DLC1: variants seen among roughly 807,000 people sequenced by gnomAD.
DLC1 encodes the protein DLC1 Rho GTPase activating protein, also known as rho GTPase-activating protein 7.
DLC1 carries 54 observed loss-of-function variants against 140.3 expected under a neutral mutation model. The ratio of observed to expected loss-of-function variants is 0.38; its 90% CI spans 0.31 to 0.48. The LOEUF (loss-of-function observed/expected upper bound fraction) is 0.48, where lower values mean the gene tolerates loss of function less well. Ranked by LOEUF, DLC1 falls within the 20% of genes least tolerant of loss-of-function variation. The pLI is 0.96. For missense variants in DLC1, 2,536 were observed against 1,907.0 expected, an observed-to-expected ratio of 1.33 and a Z score of -6.14; for synonymous variants, 986 against 728.1, an observed-to-expected ratio of 1.35 and a Z score of -5.70.
rs560626167 is a variant in DLC1, at chr8:13,374,803, G to A, written c.1314+18750C>T. 3.9e-5 allele frequency among the ~76,000 whole-genome samples: 6 copies of A among 152,216 alleles called. No individual in the cohort carries two copies. In the East Asian group the frequency reaches 9.7e-4, roughly 25 times the overall value. On this transcript the variant is annotated intron_variant, in intron 4 of 17. Coordinates refer to ENST00000276297, the MANE Select transcript of DLC1 (RefSeq NM_182643.3). ...TCTTGGGCAGTATGGCCATTTTCACGATATTGATTCTTCCTATCCATGAGC... is the reference window on the plus strand; with the variant it reads ...TCTTGGGCAGTATGGCCATTTTCACAATATTGATTCTTCCTATCCATGAGC...
intron 4 of DLC1, among the ~76,000 whole-genome samples, chr8:13,360,643 C>A (rs953921746): frequency 4.6e-5 from 7 of 151,948 alleles, no homozygotes; most frequent in Non-Finnish European, 8.8e-5. Context: ...GAAAGACTTA[C>A]TCTGTGTTTT....
intron 2 of DLC1, among the ~76,000 whole-genome samples, chr8:13,488,204 T>C (rs1244736367): frequency 6.6e-6 from 1 of 152,202 alleles, no homozygotes; most frequent in Non-Finnish European, 1.5e-5. Flanking sequence ...ATGATTCTTA[T>C]GTATCAGGGA....
intron 1 of DLC1, among the ~76,000 whole-genome samples, chr8:13,562,146 C>T (rs941864787): frequency 6.6e-6 from 1 of 151,614 alleles, no homozygotes; most frequent in Non-Finnish European, 1.5e-5. Context: ...GTAATCGGGT[C>T]AATTTAAATA....
intron 2 of DLC1, among the ~76,000 whole-genome samples, chr8:13,426,838 G>A (rs1023173839): frequency 6.6e-6 from 1 of 152,020 alleles, no homozygotes; most frequent in Non-Finnish European, 1.5e-5. Context: ...CATCCTAGGA[G>A]ATCCTCCAGT....
chr8:13,566,490 T>C (rs1347610203), intron 1 of DLC1, among the ~76,000 whole-genome samples: 1 of 152,166 alleles, frequency 6.6e-6, no homozygotes, highest in African/African-American at 2.4e-5. Context: ...GTCTCTTGGC[T>C]ATAAACACTG....
chr8:13,520,651 T>TA lies in DLC1; in HGVS notation c.-125-20456dup, dbSNP rs371383414. Among the ~76,000 whole-genome samples, 1,365 of 151,592 alleles carry TA rather than the reference T, an allele frequency of 9.0e-3. 28 individuals are homozygous for TA. Among genetic ancestry groups the TA allele is most frequent in the African/African-American group, 0.029 (1,181 of 41,280 alleles). On this transcript the variant is annotated intron_variant, in intron 1 of 1. Coordinates refer to the DLC1 transcript ENST00000631382. The stretch of plus-strand genomic sequence containing the variant: ...AAAAGAAAAAAAGAAACTTAGCAAA[T>TA]AAAAAAAATATTGACACAGACAAGA...
At chr8:13,547,201 A>G (rs1803681222) in intron 1 of DLC1, among the ~76,000 whole-genome samples, 1 of 152,136 alleles carries the variant, frequency 6.6e-6, no homozygotes, top group African/African-American at 2.4e-5. Context: ...AGAACTCATA[A>G]TAAACAACTG....
Position 13,499,102 on chromosome 8 carries a change from T to A in DLC1, c.970A>T (p.Thr324Ser). The A allele has an allele frequency of 6.2e-7, 1 of 1,614,034 alleles. No homozygotes were observed. ...DGMQCLQLKE[T>S]LATQEPTDNQ... ...TCTGTGGGTTCCTGGGTGGCCAGGG[T>A]CTCCTTTAATTGTAAACACTGCATG... The change falls in exon 2 of 18, where the codon ACC (threonine) becomes TCC (serine). Residue 324 changes from threonine to serine, a missense_variant. Coordinates refer to ENST00000276297, the MANE Select transcript of DLC1 (RefSeq NM_182643.3).
intron 1 of DLC1, among the ~76,000 whole-genome samples, chr8:13,563,914 T>A: frequency 6.6e-6 from 1 of 152,212 alleles, no homozygotes; most frequent in East Asian, 1.9e-4. Flanking sequence ...CTGGAAAAAA[T>A]TGTTCATAAA....
In DLC1 at chr8:13,274,842, T is replaced by G. The variant is rs1831097262; in HGVS notation, c.1348+30427A>C. On this transcript the variant is annotated intron_variant, in intron 5 of 17. Transcript: ENST00000276297. ...AGAATCTTTTCATTTGCGGCATTGT[T>G]TATTAAACAAGACAAATATGAAGAA... Among the ~76,000 whole-genome samples, 3 of 152,216 alleles carry G rather than the reference T, an allele frequency of 2.0e-5. No individual in the cohort carries two copies. The South Asian group carries it at 6.2e-4, about 31-fold the overall frequency.
chr8:13,104,735 T>A (rs1039150346), intron 7 of DLC1, among the ~76,000 whole-genome samples: 1 of 152,360 alleles, frequency 6.6e-6, no homozygotes, highest in Middle Eastern at 3.4e-3. Flanking sequence ...GCCTGCCTGA[T>A]AAGCCCGATT....
At position 13,457,770 on chromosome 8, in the gene DLC1, A is replaced by T. The variant is rs1210549116; in HGVS notation, c.1023+41279T>A. On this transcript the variant is annotated intron_variant, in intron 2 of 17. Coordinates refer to ENST00000276297, the MANE Select transcript of DLC1 (RefSeq NM_182643.3). ...GTTTAGTTCAATGATGCAATTTAGCAGCCCTGATTCCCGATGATCCCTGCC... is the reference window on the plus strand; with the variant it reads ...GTTTAGTTCAATGATGCAATTTAGCTGCCCTGATTCCCGATGATCCCTGCC... Among the ~76,000 whole-genome samples, 4 of 151,566 alleles carry T rather than the reference A, an allele frequency of 2.6e-5. No homozygotes were observed. The South Asian group carries it at 6.3e-4, about 24-fold the overall frequency.
intron 4 of DLC1, among the ~76,000 whole-genome samples, chr8:13,389,013 G>A (rs1231064553): frequency 6.6e-6 from 1 of 152,002 alleles, no homozygotes; most frequent in African/African-American, 2.4e-5. Context: ...GTAAAGTATA[G>A]CGTTCAGGAG....
chr8:13,292,633 T>TA (rs927224779), intron 5 of DLC1, among the ~76,000 whole-genome samples: 13 of 151,304 alleles, frequency 8.6e-5, no homozygotes, highest in Middle Eastern at 3.4e-3. Flanking sequence ...AATAATACTT[T>TA]AAAAAAAAAC....
intron 1 of DLC1, among the ~76,000 whole-genome samples, chr8:13,591,680 T>C (rs1047550594): frequency 3.9e-5 from 6 of 152,112 alleles, no homozygotes; most frequent in East Asian, 1.9e-4. Context: ...CTTGGACTTA[T>C]TGGTAACAGT....
In DLC1 at chr8:13,209,733, C is replaced by T. The variant is rs535241852; in HGVS notation, c.1349-94076G>A. ...ATTACAGGTGTGTGGCACCTCCCTC[C>T]TGTCTCTCTTGCTGCTACTTCCACC... On this transcript the variant is annotated intron_variant, in intron 5 of 17. Coordinates refer to ENST00000276297, the MANE Select transcript of DLC1 (RefSeq NM_182643.3). 1.1e-4 allele frequency among the ~76,000 whole-genome samples: 16 copies of T among 152,216 alleles called. 1 individual carries two copies. The highest frequency in any genetic ancestry group is 8.3e-4 in the South Asian group (4 of 4,812).
intron 4 of DLC1, among the ~76,000 whole-genome samples, chr8:13,377,143 T>G (rs1836031197): frequency 6.6e-6 from 1 of 152,154 alleles, no homozygotes; most frequent in African/African-American, 2.4e-5. Flanking sequence ...AGGTATCCAC[T>G]CAGTTGTGAA....
intron 1 of DLC1, among the ~76,000 whole-genome samples, chr8:13,560,474 A>G (rs1804202835): frequency 6.6e-6 from 1 of 152,202 alleles, no homozygotes; most frequent in Non-Finnish European, 1.5e-5. Context: ...ATGAACAGGT[A>G]GGTTCCTCTA....
intron 4 of DLC1, among the ~76,000 whole-genome samples, chr8:13,365,679 C>T (rs1223140002): frequency 6.6e-6 from 1 of 152,110 alleles, no homozygotes; most frequent in Admixed American, 6.6e-5. Context: ...AGACATGTGT[C>T]ATTTCCACTG....
Sources: gnomAD v4.1 joint callset for allele counts (sites outside exome capture counted in the v4.1 genomes callset) on GRCh38, gnomAD v4.1.1 for gene constraint, MANE v1.5 for transcripts, NCBI Gene and HGNC (gene_info 2026-07-23, HGNC 2026-07-21) for gene names.